The following SLC39A11 variants were observed in gnomAD, a reference collection of about 807,000 sequenced individuals.
SLC39A11 encodes the protein zinc transporter ZIP11.
Under a neutral mutation model 36.1 loss-of-function variants are expected in SLC39A11, and 33 were observed. The observed-to-expected ratio is 0.91, with a 90% CI of 0.69 to 1.22. The LOEUF (loss-of-function observed/expected upper bound fraction) is 1.22, where lower values mean the gene tolerates loss of function less well. Ranked by LOEUF, SLC39A11 falls within the 50% of genes most tolerant of loss-of-function variation. The pLI, the probability that SLC39A11 is intolerant of heterozygous loss-of-function variation, is 0.00. For missense variants in SLC39A11, 432 were observed against 430.3 expected (o/e 1.00, Z -0.03); for synonymous variants, 166 against 170.3 (o/e 0.97, Z 0.20).
At chr17:73,018,932 CTT>C (rs2058255545) in intron 4 of SLC39A11, among the ~76,000 whole-genome samples, 1 of 151,990 alleles carries the variant, frequency 6.6e-6, no homozygotes, top group Non-Finnish European at 1.5e-5. Context: ...ATGATAAAGT[CTT>C]AGGAGCAGCC....
chr17:72,678,543 A>G (rs1017574747), intron 7 of SLC39A11, among the ~76,000 whole-genome samples: 5 of 152,140 alleles, frequency 3.3e-5, no homozygotes, highest in Non-Finnish European at 7.3e-5. Flanking sequence ...CGTCTCTACT[A>G]AAAATACAAA....
intron 7 of SLC39A11, among the ~76,000 whole-genome samples, chr17:72,666,228 G>C (rs745705780): frequency 4.6e-5 from 7 of 152,206 alleles, no homozygotes; most frequent in African/African-American, 1.7e-4. Context: ...GCAGAGACAG[G>C]CCTCTGCCTT....
At chr17:73,005,089 C>T (rs1450964534) in intron 4 of SLC39A11, among the ~76,000 whole-genome samples, 1 of 152,216 alleles carries the variant, frequency 6.6e-6, no homozygotes, top group Non-Finnish European at 1.5e-5. Context: ...CTCCACCTCC[C>T]AGGTTTAAGC....
intron 6 of SLC39A11, among the ~76,000 whole-genome samples, chr17:72,753,300 C>T (rs572524649): frequency 1.3e-5 from 2 of 152,238 alleles, no homozygotes; most frequent in South Asian, 4.2e-4. Context: ...GCACACATAC[C>T]TTACATCTTT....
intron 4 of SLC39A11, among the ~76,000 whole-genome samples, chr17:72,990,905 T>C (rs2089130147): frequency 6.6e-6 from 1 of 152,236 alleles, no homozygotes; most frequent in African/African-American, 2.4e-5. Flanking sequence ...TGGTGACTAT[T>C]ACATGAGACA....
intron 9 of SLC39A11, among the ~76,000 whole-genome samples, chr17:72,648,538 C>T (rs766318949): frequency 2.0e-5 from 3 of 151,952 alleles, no homozygotes; most frequent in Non-Finnish European, 2.9e-5. Flanking sequence ...TATACAAAAA[C>T]GATAGTCTAC....
Position 72,966,529 on chromosome 17 carries a change from G to T in SLC39A11, c.307-18654C>A, listed in dbSNP as rs185153871. The stretch of plus-strand genomic sequence containing the variant: ...CGCACATCAGGAGGTGAGCAGCAGG[G>T]GGTTGAGGAAAGGAAGCTTCATCTG... On this transcript the variant is annotated intron_variant, in intron 4 of 9. Coordinates refer to ENST00000255559, the MANE Select transcript of SLC39A11 (RefSeq NM_139177.4). Among the ~76,000 whole-genome samples the T allele has an allele frequency of 1.7e-3, 251 of 152,064 alleles. 1 individual carries two copies. The highest frequency in any genetic ancestry group is 5.7e-3 in the African/African-American group (236 of 41,460).
At chr17:72,993,530 T>C (rs543718640) in intron 4 of SLC39A11, among the ~76,000 whole-genome samples, 1 of 152,334 alleles carries the variant, frequency 6.6e-6, no homozygotes, top group South Asian at 2.1e-4. Context: ...GCAAAGGGTA[T>C]ATGGTAGATT....
intron 5 of SLC39A11, among the ~76,000 whole-genome samples, chr17:72,910,804 T>A (rs35799684): frequency 6.9e-6 from 1 of 145,796 alleles, no homozygotes; most frequent in African/African-American, 2.5e-5. Flanking sequence ...GCAGGCACCT[T>A]TAATCCCAGC....
intron 9 of SLC39A11, among the ~76,000 whole-genome samples, chr17:72,648,494 C>T (rs963648502): frequency 2.0e-5 from 3 of 152,060 alleles, no homozygotes; most frequent in Admixed American, 2.0e-4. Flanking sequence ...CCCTTCATTC[C>T]AGCCCGAGAA....
intron 6 of SLC39A11, chr17:72,838,231 CTTT>C (rs574382302): frequency 4.5e-3 from 1,303 of 291,164 alleles, no homozygotes; most frequent in Middle Eastern, 7.1e-3. Context: ...CTTTCCTTTT[CTTT>C]TTTTTTTTTT....
rs1372024850 is a variant in SLC39A11, at chr17:72,977,270, G to A, written c.307-29395C>T. On this transcript the variant is annotated intron_variant, in intron 4 of 9. Coordinates refer to ENST00000255559, the MANE Select transcript of SLC39A11 (RefSeq NM_139177.4). The stretch of plus-strand genomic sequence containing the variant: ...TGGCTAATAGCCAGAAAGGACATGG[G>A]GCCTCACTCCCGCAGCCCTGCTGTA... Among the ~76,000 whole-genome samples, 4 of 152,296 alleles carry A rather than the reference G, an allele frequency of 2.6e-5. No individual in the cohort carries two copies. The East Asian group carries it at 7.7e-4, about 29-fold the overall frequency.
chr17:72,697,787 C>G, intron 7 of SLC39A11, among the ~76,000 whole-genome samples: 1 of 151,120 alleles, frequency 6.6e-6, no homozygotes, highest in East Asian at 2.0e-4. Context: ...ATAAATGCTC[C>G]TATGTCTGAT....
At chr17:73,016,902 T>G (rs1390771206) in intron 4 of SLC39A11, among the ~76,000 whole-genome samples, 1 of 152,212 alleles carries the variant, frequency 6.6e-6, no homozygotes, top group East Asian at 1.9e-4. Context: ...ACACTCCATT[T>G]ATTATGATCA....
rs144403948 is a variant in SLC39A11 at position 73,025,128 on chromosome 17, C to T, written c.306+6428G>A. On this transcript the variant is annotated intron_variant, in intron 4 of 9. Transcript: ENST00000255559. ...AAAATAAACTGAACATGGTTGAGGA[C>T]TCAGATAAATTAAGGCAGGAGCTGA... Among the ~76,000 whole-genome samples, 165 of 152,236 alleles carry T rather than the reference C, an allele frequency of 1.1e-3. No homozygotes were observed. In the East Asian group the frequency reaches 0.017, roughly 16 times the overall value.
chr17:72,723,073 AC>A (rs1360388477), intron 7 of SLC39A11, among the ~76,000 whole-genome samples: 2 of 152,108 alleles, frequency 1.3e-5, no homozygotes, highest in Admixed American at 1.3e-4. Flanking sequence ...TATTTGGGGG[AC>A]GTCTTCATTG....
intron 5 of SLC39A11, among the ~76,000 whole-genome samples, chr17:72,892,137 C>T (rs1159883913): frequency 6.6e-6 from 1 of 152,082 alleles, no homozygotes; most frequent in East Asian, 1.9e-4. Flanking sequence ...TTATTAGAGG[C>T]TGGGCGCAGT....
intron 6 of SLC39A11, among the ~76,000 whole-genome samples, chr17:72,807,879 G>A (rs2567493): frequency 6.6e-6 from 1 of 152,228 alleles, no homozygotes; most frequent in South Asian, 2.1e-4. Flanking sequence ...GCCAGATGGT[G>A]AGAAGCCCAG....
At chr17:73,046,644 T>A (rs1454105870) in intron 3 of SLC39A11, among the ~76,000 whole-genome samples, 1 of 152,128 alleles carries the variant, frequency 6.6e-6, no homozygotes, top group Non-Finnish European at 1.5e-5. Context: ...TCTCTCTTTC[T>A]CTCTCTAAGG....
Sources: gnomAD v4.1 joint callset for allele counts (sites outside exome capture counted in the v4.1 genomes callset) on GRCh38, gnomAD v4.1.1 for gene constraint, MANE v1.5 for transcripts, NCBI Gene and HGNC (gene_info 2026-07-23, HGNC 2026-07-21) for gene names.